Variants in CHN1 observed in about 807,000 individuals in gnomAD.
CHN1 encodes the protein chimerin 1.
In CHN1, 37 loss-of-function variants were observed where a neutral mutation model predicts 59.5. That is an observed-to-expected ratio of 0.62 (90% CI 0.48 to 0.82). The LOEUF is 0.82. CHN1 is among the 40% of genes least tolerant of loss of function. The probability of loss-of-function intolerance (pLI) is 0.00; values close to 1 mark genes in which losing one functional copy is unlikely to be tolerated. For missense variants in CHN1, 469 were observed against 571.0 expected (o/e 0.82, Z 1.82); for synonymous variants, 206 against 200.4 (o/e 1.03, Z -0.24).
At chr2:174,934,641 C>G (rs1689444138) in intron 3 of CHN1, among the ~76,000 whole-genome samples, 1 of 152,174 alleles carries the variant, frequency 6.6e-6, no homozygotes, top group African/African-American at 2.4e-5. Flanking sequence ...TTCAGAAATT[C>G]CGAAATATTT....
chr2:174,924,092 C>G (rs577063106), intron 3 of CHN1, among the ~76,000 whole-genome samples: 3 of 152,130 alleles, frequency 2.0e-5, no homozygotes, highest in African/African-American at 4.8e-5. Flanking sequence ...AAACTGAAGG[C>G]AATTTAGAAA....
intron 6 of CHN1, chr2:174,847,630 G>A (rs1686572102): frequency 7.6e-7 from 1 of 1,320,244 alleles, no homozygotes; most frequent in African/African-American, 1.5e-5. Flanking sequence ...ATTTCACAAG[G>A]AAGGCTGCAT....
At chr2:174,933,790 TA>T (rs1188365058) in intron 3 of CHN1, among the ~76,000 whole-genome samples, 1 of 152,166 alleles carries the variant, frequency 6.6e-6, no homozygotes, top group Non-Finnish European at 1.5e-5. Flanking sequence ...ATTATGTCCT[TA>T]AGCAGATAGA....
chr2:174,918,420 T>C (rs1688912389), intron 4 of CHN1, 114 bp downstream of exon 4: 1 of 697,782 alleles, frequency 1.4e-6, no homozygotes, highest in Middle Eastern at 2.5e-4. Flanking sequence ...AAGAAATAAA[T>C]GCAACTCCAC....
At chr2:174,880,468 A>G (rs917578976) in intron 5 of CHN1, among the ~76,000 whole-genome samples, 2 of 152,204 alleles carry the variant, frequency 1.3e-5, no homozygotes, top group Non-Finnish European at 2.9e-5. Context: ...GGATTAGAAG[A>G]AGAGAAAGAA....
At chr2:174,830,328 A>C (rs35339872) in intron 7 of CHN1, among the ~76,000 whole-genome samples, 1,851 of 152,348 alleles carry the variant, frequency 0.012, 12 homozygotes, top group Middle Eastern at 0.024. Context: ...AAGAGAATAC[A>C]TAACACTGGC....
chr2:174,873,993 A>G (rs1447570389), intron 6 of CHN1, among the ~76,000 whole-genome samples: 1 of 152,220 alleles, frequency 6.6e-6, no homozygotes. Flanking sequence ...ACAAAATCCC[A>G]AAGTAAAGAC....
intron 1 of CHN1, among the ~76,000 whole-genome samples, chr2:174,986,582 T>C (rs990245066): frequency 1.3e-5 from 2 of 151,876 alleles, no homozygotes; most frequent in African/African-American, 4.8e-5. Flanking sequence ...TGGTTCTACT[T>C]ATAAACAGAT....
chr2:174,878,201 A>G, intron 5 of CHN1, 73 bp from the exon 6 acceptor site: 1 of 1,331,972 alleles, frequency 7.5e-7, no homozygotes, highest in Non-Finnish European at 1.0e-6. Flanking sequence ...AAAAAACAAA[A>G]ACAAAAAAAA....
chr2:174,954,474 T>C (rs769829735), intron 1 of CHN1, among the ~76,000 whole-genome samples: 1 of 152,030 alleles, frequency 6.6e-6, no homozygotes, highest in Non-Finnish European at 1.5e-5. Flanking sequence ...AGTTTCTTCA[T>C]AGCAAAAGAA....
chr2:174,923,339 AC>A (rs1391525930), intron 3 of CHN1, among the ~76,000 whole-genome samples: 3 of 152,006 alleles, frequency 2.0e-5, no homozygotes, highest in Non-Finnish European at 4.4e-5. Flanking sequence ...ACGGGGTTTC[AC>A]CGTGTTAGCC....
chr2:174,989,898 A>G (rs537908829), intron 1 of CHN1, among the ~76,000 whole-genome samples: 84 of 152,356 alleles, frequency 5.5e-4, no homozygotes, highest in African/African-American at 2.0e-3. Flanking sequence ...TAAATAACAT[A>G]CATCAATTTT....
At chr2:174,996,082 T>C (rs1691697722) in intron 1 of CHN1, among the ~76,000 whole-genome samples, 1 of 152,214 alleles carries the variant, frequency 6.6e-6, no homozygotes, top group African/African-American at 2.4e-5. Flanking sequence ...GTTTCAGGCA[T>C]CCACTGAGGC....
chr2:174,830,541 T>C (rs1685843781), intron 7 of CHN1, among the ~76,000 whole-genome samples: 1 of 152,204 alleles, frequency 6.6e-6, no homozygotes, highest in Admixed American at 6.5e-5. Context: ...ACCACGATAA[T>C]GTCAGTTAAG....
intron 6 of CHN1, among the ~76,000 whole-genome samples, chr2:174,849,193 ACAG>A (rs1686645077): frequency 6.6e-6 from 1 of 152,194 alleles, no homozygotes; most frequent in Non-Finnish European, 1.5e-5. Context: ...TCCTGGTTCT[ACAG>A]CTATAGTTAC....
intron 5 of CHN1, among the ~76,000 whole-genome samples, chr2:174,894,026 T>C (rs911187375): frequency 6.6e-6 from 1 of 151,908 alleles, no homozygotes; most frequent in Non-Finnish European, 1.5e-5. Flanking sequence ...GAAGAAAACA[T>C]AGGGGAAAAA....
chr2:174,821,897 G>A (rs1260842484), intron 8 of CHN1: 1 of 270,608 alleles, frequency 3.7e-6, no homozygotes, highest in Admixed American at 4.4e-5. Flanking sequence ...AACATTCTTC[G>A]TGCCATGAAA....
chr2:174,887,662 G>A (rs1687931415), intron 5 of CHN1, among the ~76,000 whole-genome samples: 1 of 151,790 alleles, frequency 6.6e-6, no homozygotes, highest in South Asian at 2.1e-4. Flanking sequence ...AAAATCACAG[G>A]GCCAAAAAGA....
intron 7 of CHN1, among the ~76,000 whole-genome samples, chr2:174,845,225 T>C (rs1686467357): frequency 6.6e-6 from 1 of 152,186 alleles, no homozygotes; most frequent in African/African-American, 2.4e-5. Context: ...GCATTCTTAG[T>C]AGGTTTTTGC....
Sources: gnomAD v4.1 joint callset for allele counts (sites outside exome capture counted in the v4.1 genomes callset) on GRCh38, gnomAD v4.1.1 for gene constraint, MANE v1.5 for transcripts, NCBI Gene and HGNC (gene_info 2026-07-23, HGNC 2026-07-21) for gene names.